Variants in PTPRC observed in about 807,000 individuals in gnomAD.
PTPRC encodes the protein protein tyrosine phosphatase receptor type C, also known as receptor-type tyrosine-protein phosphatase C.
Under a neutral mutation model 155.9 loss-of-function variants are expected in PTPRC, and 44 were observed. The ratio of observed to expected loss-of-function variants is 0.28; its 90% CI spans 0.22 to 0.36. The LOEUF (loss-of-function observed/expected upper bound fraction) is 0.36. Ranked by LOEUF, PTPRC falls within the 10% of genes least tolerant of loss-of-function variation. The pLI is 1.00. For synonymous variants in PTPRC, 525 were observed against 533.1 expected, an observed-to-expected ratio of 0.98 and a Z score of 0.21; for missense variants, 1,401 against 1,564.6, an observed-to-expected ratio of 0.90 and a Z score of 1.76.
intron 2 of PTPRC, among the ~76,000 whole-genome samples, chr1:198,652,551 C>T (rs1196262339): frequency 6.8e-6 from 1 of 146,578 alleles, no homozygotes; most frequent in Admixed American, 7.0e-5. Flanking sequence ...AATCCAATTA[C>T]GTAAACAAAT....
chr1:198,740,089 T>TAAGA, intron 23 of PTPRC, among the ~76,000 whole-genome samples: 1 of 151,842 alleles, frequency 6.6e-6, no homozygotes, highest in South Asian at 2.1e-4. Flanking sequence ...GAAAAGTTTG[T>TAAGA]AAGAGTAAGC....
At chr1:198,752,471 A>ATGTT (rs1655428513) in intron 30 of PTPRC, 100 bp downstream of exon 30, 1 of 1,532,868 alleles carries the variant, frequency 6.5e-7, no homozygotes, top group Middle Eastern at 2.0e-4. Context: ...CATATAAATA[A>ATGTT]TGTTTCAGAA....
intron 2 of PTPRC, chr1:198,680,072 A>C (rs1045135231): frequency 7.6e-5 from 35 of 459,930 alleles, no homozygotes; most frequent in Middle Eastern, 5.6e-4. Flanking sequence ...CGCAGCTGGG[A>C]GTGCCACTAG....
rs1666222634 is a variant in PTPRC, at chr1:198,696,754, A to T, written c.143A>T (p.Asp48Val). The T allele has an allele frequency of 6.2e-7, 1 of 1,613,964 alleles. No individual in the cohort carries two copies. Among genetic ancestry groups the T allele is most frequent in the Non-Finnish European group, 8.5e-7 (1 of 1,180,006 alleles). The change falls in exon 4 of 33, where the codon GAC (aspartate) becomes GTC (valine). Residue 48 changes from aspartate (D) to valine (V), a missense_variant. Around this residue, in one of 3 missense-constraint regions of PTPRC, gnomAD observed 867 missense variants for 970.4 expected, o/e 0.89. Coordinates refer to ENST00000442510, the MANE Select transcript of PTPRC (RefSeq NM_002838.5). ...AKMPSVPLSSDPLPTHTTAFS... is the reference protein window; with the variant it reads ...AKMPSVPLSSVPLPTHTTAFS... Reference sequence around the variant, plus strand: ...ATGCCCAGTGTTCCACTTTCAAGTGACCCCTTACCTACTCACACCACTGCA... The same window carrying T: ...ATGCCCAGTGTTCCACTTTCAAGTGTCCCCTTACCTACTCACACCACTGCA...
At chr1:198,728,557 GAA>G in intron 16 of PTPRC, 109 bp downstream of exon 16, 1 of 1,360,692 alleles carries the variant, frequency 7.3e-7, no homozygotes. Flanking sequence ...GAACTAGAGA[GAA>G]GACAGCATAC....
chr1:198,734,052 T>C, intron 20 of PTPRC, 144 bp from the exon 21 acceptor site: 2 of 735,262 alleles, frequency 2.7e-6, no homozygotes, highest in Non-Finnish European at 4.6e-6. Flanking sequence ...TTAATAAGAT[T>C]CCCTTAATAC....
chr1:198,693,661 A>G (rs538011516), intron 3 of PTPRC, among the ~76,000 whole-genome samples: 2 of 152,324 alleles, frequency 1.3e-5, no homozygotes, highest in African/African-American at 4.8e-5. Context: ...TGGCCACAAC[A>G]ATGTCATCAA....
At chr1:198,737,930 A>AGAT (rs1654723982) in intron 23 of PTPRC, among the ~76,000 whole-genome samples, 1 of 151,666 alleles carries the variant, frequency 6.6e-6, no homozygotes, top group Non-Finnish European at 1.5e-5. Flanking sequence ...ATTGCAAACG[A>AGAT]GATTACTTTC....
At chr1:198,696,529 A>G (rs1666212067) in intron 3 of PTPRC, among the ~76,000 whole-genome samples, 183 bp from the exon 4 acceptor site, 1 of 152,112 alleles carries the variant, frequency 6.6e-6, no homozygotes, top group Non-Finnish European at 1.5e-5. Flanking sequence ...GTGTATGTAT[A>G]TTTATGAATA....
intron 2 of PTPRC, among the ~76,000 whole-genome samples, chr1:198,645,504 T>A (rs1178682664): frequency 3.3e-5 from 5 of 151,804 alleles, no homozygotes; most frequent in East Asian, 1.9e-4. Flanking sequence ...TTTAGCTAAA[T>A]CAATTTTCAC....
chr1:198,676,227 T>C (rs1664942601), intron 2 of PTPRC, among the ~76,000 whole-genome samples: 1 of 152,082 alleles, frequency 6.6e-6, no homozygotes, highest in African/African-American at 2.4e-5. Flanking sequence ...TGCTTCTGAG[T>C]TTTAAAATGG....
At position 198,756,672 on chromosome 1, in the gene PTPRC, T is replaced by TACTC. The variant is rs1655687187; in HGVS notation, c.*493_*496dup. 6.1e-6 allele frequency: 1 copy of TACTC among 164,342 alleles called. No homozygotes were observed. The highest frequency in any genetic ancestry group is 1.3e-5 in the Non-Finnish European group (1 of 75,372). 10.2% of individuals were successfully genotyped at this position (164,342 alleles called of 1,614,324 possible). Reference sequence around the variant, plus strand: ...TGACCTCAAGATGTCCTCCTTGTTCTACTCATATATATCTATCTTATATAG... The same window carrying TACTC: ...TGACCTCAAGATGTCCTCCTTGTTCTACTCACTCATATATATCTATCTTATATAG... On this transcript the variant is annotated 3_prime_UTR_variant, in exon 33 of 33. Transcript: ENST00000442510.
At position 198,728,278 on chromosome 1, in the gene PTPRC, T is replaced by G. The variant is rs1016935518; in HGVS notation, c.1721-62T>G. 6.0e-6 allele frequency: 8 copies of G among 1,336,098 alleles called. No homozygotes were observed. The Admixed American group carries it at 8.5e-5, about 14-fold the overall frequency. 82.8% of individuals were successfully genotyped at this position (1,336,098 alleles called of 1,614,324 possible). A position where few individuals can be genotyped will look rare whatever the true frequency, so the allele number is the denominator to read the frequency against. ...AATATAAATACTTTGGAGGTGATTA[T>G]TCAACCAGTCTAGCAAGTTATTTGA... On this transcript the variant is annotated intron_variant, in intron 15 of 32. Transcript: ENST00000442510.
chr1:198,731,877 A>G (rs1654403658), intron 18 of PTPRC, 151 bp downstream of exon 18: 3 of 704,638 alleles, frequency 4.3e-6, no homozygotes, highest in Non-Finnish European at 7.7e-6. Flanking sequence ...TCTATGAACC[A>G]GAAGAGAGAC....
rs3767746 is a variant in PTPRC at position 198,693,199 on chromosome 1, C to T, written c.100+826C>T. Reference sequence around the variant, plus strand: ...TATTTTTGTCATTAAATAAAAATTCCGTCCAAATGAAGAAAACAAATAACC... The same window carrying T: ...TATTTTTGTCATTAAATAAAAATTCTGTCCAAATGAAGAAAACAAATAACC... On this transcript the variant is annotated intron_variant, in intron 3 of 32. Transcript: ENST00000442510. 2.6e-5 allele frequency: 23 copies of T among 874,270 alleles called. No individual in the cohort carries two copies. The South Asian group carries it at 7.9e-4, about 30-fold the overall frequency. The allele number at this position is 874,270 out of a possible 1,614,324, so 54.2% of individuals were successfully genotyped here.
intron 2 of PTPRC, among the ~76,000 whole-genome samples, chr1:198,643,908 C>T (rs536479078): frequency 5.9e-5 from 9 of 151,938 alleles, no homozygotes; most frequent in Non-Finnish European, 1.2e-4. Flanking sequence ...ATTATTTGCA[C>T]GACAAAAGTT....
chr1:198,691,104 C>G (rs548783577), intron 2 of PTPRC, among the ~76,000 whole-genome samples: 44 of 152,200 alleles, frequency 2.9e-4, no homozygotes, highest in Non-Finnish European at 6.2e-4. Context: ...CCTTAATATT[C>G]ACTGAACTTC....
At chr1:198,671,970 T>G (rs937100471) in intron 2 of PTPRC, among the ~76,000 whole-genome samples, 1 of 152,228 alleles carries the variant, frequency 6.6e-6, no homozygotes, top group Non-Finnish European at 1.5e-5. Flanking sequence ...TTTTTCTTGC[T>G]AATGAGACCT....
chr1:198,718,322 A>T lies in PTPRC; in HGVS notation c.1659+20A>T. 3 of 1,557,632 alleles carry T rather than the reference A, an allele frequency of 1.9e-6. No homozygotes were observed. Among genetic ancestry groups the T allele is most frequent in the Non-Finnish European group, 2.7e-6 (3 of 1,131,224 alleles). ...TTTAAGGTAAAAGTATGCTCTCTAC[A>T]TTACTATAGTACCAACTACATTATA... On this transcript the variant is annotated intron_variant, in intron 14 of 32. Coordinates refer to ENST00000442510, the MANE Select transcript of PTPRC (RefSeq NM_002838.5).
Sources: allele counts gnomAD v4.1 joint callset (sites outside exome capture counted in the v4.1 genomes callset), GRCh38; gene constraint gnomAD v4.1.1; regional missense constraint gnomAD v4.1.1; transcripts MANE v1.5; gene names NCBI Gene and HGNC (gene_info 2026-07-23, HGNC 2026-07-21).